The following DGKB variants were observed in gnomAD, a reference collection of about 807,000 sequenced individuals.
DGKB encodes the protein 90 kDa diacylglycerol kinase.
DGKB carries 67 observed loss-of-function variants against 114.3 expected under a neutral mutation model. That is an observed-to-expected ratio of 0.59 (90% CI 0.48 to 0.72). The LOEUF is 0.72. Among genes scored for constraint, DGKB ranks in the 30% least tolerant of loss-of-function variants. DGKB has a pLI of 0.00. For synonymous variants in DGKB, 398 were observed against 323.1 expected (o/e 1.23, Z -2.49); for missense variants, 907 against 975.2 (o/e 0.93, Z 0.93).
At chr7:14,636,469 T>C (rs182391492) in intron 13 of DGKB, among the ~76,000 whole-genome samples, 1 of 151,944 alleles carries the variant, frequency 6.6e-6, no homozygotes, top group African/African-American at 2.4e-5. Context: ...ACTAGAGATC[T>C]GCATGCACAG....
chr7:14,531,802 A>T (rs1479461483), intron 20 of DGKB, among the ~76,000 whole-genome samples: 2 of 151,434 alleles, frequency 1.3e-5, no homozygotes, highest in Non-Finnish European at 3.0e-5. Flanking sequence ...AGCTATAGAA[A>T]TCAGGATTGT....
chr7:14,374,494 C>T (rs1293239696), intron 21 of DGKB, among the ~76,000 whole-genome samples: 1 of 152,182 alleles, frequency 6.6e-6, no homozygotes, highest in African/African-American at 2.4e-5. Context: ...GAAATCAAGT[C>T]TTGCCAACTC....
intron 6 of DGKB, among the ~76,000 whole-genome samples, chr7:14,702,825 ATAT>A (rs1194747083): frequency 1.3e-5 from 2 of 152,184 alleles, no homozygotes; most frequent in Admixed American, 6.5e-5. Context: ...CAATTCTAAC[ATAT>A]TATTATTAAT....
At chr7:14,768,130 G>A (rs932706180) in intron 2 of DGKB, among the ~76,000 whole-genome samples, 1 of 151,830 alleles carries the variant, frequency 6.6e-6, no homozygotes, top group Non-Finnish European at 1.5e-5. Context: ...ATATTTTAAA[G>A]AACATAAAAC....
rs112640839 is a variant in DGKB at position 14,722,859 on chromosome 7, C to A, written c.323-4174G>T. ...AAATAAAAAAACTCACAGATTTATT[C>A]CTGCTCCTACCACCTCCCCAAGATC... On this transcript the variant is annotated intron_variant, in intron 5 of 25. Transcript: ENST00000402815. 9.7e-3 allele frequency among the ~76,000 whole-genome samples: 1,467 copies of A among 151,866 alleles called. 23 individuals carry two copies. The highest frequency in any genetic ancestry group is 0.034 in the African/African-American group (1,411 of 41,478).
At position 14,778,390 on chromosome 7, in the gene DGKB, C is replaced by G. The variant is rs142431388; in HGVS notation, c.71-20659G>C. 3.4e-3 allele frequency among the ~76,000 whole-genome samples: 512 copies of G among 152,120 alleles called. 3 individuals are homozygous for G. The highest frequency in any genetic ancestry group is 0.01 in the Middle Eastern group (3 of 294). ...TCATAGAACCTAGTGCATAAACTAA[C>G]TTGCAAAACAGTCATTTTTATGTGC... On this transcript the variant is annotated intron_variant, in intron 2 of 25. Transcript: ENST00000402815.
rs148830970 is a variant in DGKB, at chr7:14,527,662, C to T, written c.1770+46550G>A. Among the ~76,000 whole-genome samples, 8 of 151,974 alleles carry T rather than the reference C, an allele frequency of 5.3e-5. 1 individual carries two copies. The highest frequency in any genetic ancestry group is 4.2e-4 in the South Asian group (2 of 4,808). On this transcript the variant is annotated intron_variant, in intron 20 of 25. Transcript: ENST00000402815. The stretch of plus-strand genomic sequence containing the variant: ...TATCCTGAAGAGCTATAATTTTTGT[C>T]GGGTTTAAGATCTATTTTTCCCTGT...
intron 13 of DGKB, among the ~76,000 whole-genome samples, chr7:14,655,608 A>C (rs1487254594): frequency 6.6e-6 from 1 of 151,790 alleles, no homozygotes; most frequent in Non-Finnish European, 1.5e-5. Context: ...AGCACTATTC[A>C]CTATAGCCAA....
intron 2 of DGKB, among the ~76,000 whole-genome samples, chr7:14,759,149 C>G (rs1042966261): frequency 1.3e-5 from 2 of 152,044 alleles, no homozygotes; most frequent in African/African-American, 4.8e-5. Context: ...GGTGTCGAAC[C>G]CCTGACCTCA....
intron 1 of DGKB, among the ~76,000 whole-genome samples, chr7:14,944,105 GTGT>G (rs1028599887): frequency 1.3e-5 from 2 of 151,770 alleles, no homozygotes; most frequent in Admixed American, 6.6e-5. Flanking sequence ...AAATTAATTA[GTGT>G]TGTTTTGCTT....
At chr7:14,928,157 C>T (rs747247119) in intron 1 of DGKB, among the ~76,000 whole-genome samples, 1 of 151,860 alleles carries the variant, frequency 6.6e-6, no homozygotes, top group Non-Finnish European at 1.5e-5. Flanking sequence ...AATATAGATT[C>T]TTTCAACAGA....
At chr7:14,807,843 A>C (rs1586647716) in intron 2 of DGKB, among the ~76,000 whole-genome samples, 2 of 152,172 alleles carry the variant, frequency 1.3e-5, no homozygotes, top group Admixed American at 1.3e-4. Context: ...ATGTCCTCAA[A>C]ATAGCTTTAA....
chr7:14,891,126 G>A (rs1781159561), intron 1 of DGKB, among the ~76,000 whole-genome samples: 1 of 151,378 alleles, frequency 6.6e-6, no homozygotes, highest in Non-Finnish European at 1.5e-5. Flanking sequence ...GGAGGTACCA[G>A]TACTCCCACC....
At chr7:14,343,227 A>C (rs1811921417) in intron 22 of DGKB, among the ~76,000 whole-genome samples, 1 of 150,496 alleles carries the variant, frequency 6.6e-6, no homozygotes, top group Non-Finnish European at 1.5e-5. Flanking sequence ...ACAAGGGGGC[A>C]TGCACACAGT....
chr7:14,822,602 T>G (rs1335711556), intron 2 of DGKB, among the ~76,000 whole-genome samples: 4 of 151,762 alleles, frequency 2.6e-5, no homozygotes, highest in African/African-American at 7.3e-5. Context: ...GAACAGGGAG[T>G]AGATATGTTT....
intron 2 of DGKB, among the ~76,000 whole-genome samples, chr7:14,831,694 C>A (rs1316818497): frequency 6.6e-6 from 1 of 152,082 alleles, no homozygotes; most frequent in Non-Finnish European, 1.5e-5. Flanking sequence ...CTTCTCCTAG[C>A]ATCCGAGGAT....
At chr7:14,247,707 G>C (rs995993043) in intron 23 of DGKB, among the ~76,000 whole-genome samples, 2 of 151,410 alleles carry the variant, frequency 1.3e-5, no homozygotes, top group Admixed American at 1.3e-4. Context: ...TTTTTTTCTT[G>C]CTACTTAGTT....
intron 21 of DGKB, among the ~76,000 whole-genome samples, chr7:14,453,237 G>T (rs931146431): frequency 5.9e-5 from 9 of 152,238 alleles, no homozygotes; most frequent in African/African-American, 1.9e-4. Flanking sequence ...AAGTGGAGGA[G>T]CCTGGATTTG....
intron 21 of DGKB, among the ~76,000 whole-genome samples, chr7:14,476,722 A>G (rs1321388100): frequency 6.6e-6 from 1 of 151,546 alleles, no homozygotes; most frequent in African/African-American, 2.4e-5. Context: ...TACCCAACAT[A>G]GGTATTAGAT....
Sources: gnomAD v4.1 joint callset for allele counts (sites outside exome capture counted in the v4.1 genomes callset) on GRCh38, gnomAD v4.1.1 for gene constraint, MANE v1.5 for transcripts, NCBI Gene and HGNC (gene_info 2026-07-23, HGNC 2026-07-21) for gene names.